The following MYT1L variants were observed in gnomAD, a reference collection of about 807,000 sequenced individuals.
MYT1L encodes myelin transcription factor 1-like protein.
MYT1L carries 12 observed loss-of-function variants against 126.7 expected under a neutral mutation model. That is an observed-to-expected ratio of 0.09 (90% CI 0.06 to 0.15). The LOEUF is 0.15. MYT1L is among the 10% of genes least tolerant of loss of function. The pLI is 1.00. For missense variants in MYT1L, 979 were observed against 1,585.2 expected, an observed-to-expected ratio of 0.62 and a Z score of 6.49; for synonymous variants, 541 against 604.2, an observed-to-expected ratio of 0.90 and a Z score of 1.53.
chr2:1,810,755 G>A (rs539105583), intron 21 of MYT1L, among the ~76,000 whole-genome samples: 2 of 152,300 alleles, frequency 1.3e-5, no homozygotes, highest in Non-Finnish European at 2.9e-5. Context: ...GGGGATATTA[G>A]TGGTTGTTTT....
At chr2:1,890,475 T>C (rs1442824293) in intron 15 of MYT1L, among the ~76,000 whole-genome samples, 1 of 152,100 alleles carries the variant, frequency 6.6e-6, no homozygotes, top group African/African-American at 2.4e-5. Context: ...GTCTGATCTC[T>C]AGATTTCAGC....
At chr2:2,239,556 G>A (rs185551569) in intron 2 of MYT1L, among the ~76,000 whole-genome samples, 26 of 152,326 alleles carry the variant, frequency 1.7e-4, no homozygotes, top group Non-Finnish European at 2.8e-4. Context: ...CTCTGAAGTC[G>A]GGATGGGCAA....
At chr2:2,149,640 G>T (rs371202777) in intron 3 of MYT1L, among the ~76,000 whole-genome samples, 4 of 152,204 alleles carry the variant, frequency 2.6e-5, no homozygotes, top group Non-Finnish European at 5.9e-5. Flanking sequence ...GCCATACAGG[G>T]TTCTTTCCAG....
chr2:1,934,126 C>T (rs913305756), intron 9 of MYT1L, among the ~76,000 whole-genome samples: 1 of 142,418 alleles, frequency 7.0e-6, no homozygotes, highest in Non-Finnish European at 1.6e-5. Flanking sequence ...AGGCACCCGC[C>T]ACCACGCCTG....
In MYT1L at chr2:1,929,454, G is replaced by A. The variant is rs1248986728; in HGVS notation, c.506-6191C>T. Among the ~76,000 whole-genome samples, 1 of 152,162 alleles carries A rather than the reference G, an allele frequency of 6.6e-6. No homozygotes were observed. The highest frequency in any genetic ancestry group is 1.5e-5 in the Non-Finnish European group (1 of 68,036). On this transcript the variant is annotated intron_variant, in intron 9 of 24. Coordinates refer to ENST00000647738, the MANE Select transcript of MYT1L (RefSeq NM_001303052.2). The surrounding 1 kb of genome is among the most constrained non-coding windows in gnomAD (Gnocchi z 4.7). ...GGAGGGTGACGCGGCATTGACAGTG[G>A]GATGCACGTGTCTTCCCTGCCAGGC...
intron 21 of MYT1L, among the ~76,000 whole-genome samples, chr2:1,820,303 T>A (rs2038346963): frequency 6.6e-6 from 1 of 152,226 alleles, no homozygotes; most frequent in Admixed American, 6.5e-5. Flanking sequence ...GTTGAGTACA[T>A]CTCTTAGCTT....
intron 3 of MYT1L, among the ~76,000 whole-genome samples, chr2:2,106,846 A>C (rs2078823564): frequency 6.6e-6 from 1 of 152,170 alleles, no homozygotes; most frequent in African/African-American, 2.4e-5. Context: ...TGTGCCCCCA[A>C]ACCTGTCCCC....
chr2:2,036,628 T>C (rs533909346), intron 4 of MYT1L, among the ~76,000 whole-genome samples: 1 of 152,352 alleles, frequency 6.6e-6, no homozygotes, highest in East Asian at 1.9e-4. Flanking sequence ...TCACTGAGTC[T>C]TTATGATTTT....
At chr2:2,019,356 C>T (rs750646908) in intron 4 of MYT1L, among the ~76,000 whole-genome samples, 12 of 152,092 alleles carry the variant, frequency 7.9e-5, no homozygotes, top group Admixed American at 1.3e-4. Context: ...GCCATGATTG[C>T]GAGGCCTCCT....
chr2:2,290,738 C>T (rs2095586443), intron 1 of MYT1L, among the ~76,000 whole-genome samples: 1 of 152,186 alleles, frequency 6.6e-6, no homozygotes, highest in Admixed American at 6.5e-5. Context: ...TTTGGAAAGG[C>T]ACTGACCCCT....
At position 1,848,694 on chromosome 2, in the gene MYT1L, C is replaced by T. The variant is rs1226954747; in HGVS notation, c.2774+2947G>A. ...AGACCTTTAAGAGTTTCCTTGTTTG[C>T]TTGTTGGCTTCTGTCTGTCTGCAGC... On this transcript the variant is annotated intron_variant, in intron 19 of 24. Transcript: ENST00000647738. The surrounding 1 kb of genome is among the most constrained non-coding windows in gnomAD (Gnocchi z 4.8). Among the ~76,000 whole-genome samples the T allele has an allele frequency of 6.6e-6, 1 of 152,104 alleles. No individual in the cohort carries two copies. The highest frequency in any genetic ancestry group is 1.5e-5 in the Non-Finnish European group (1 of 68,018).
intron 10 of MYT1L, among the ~76,000 whole-genome samples, chr2:1,918,161 C>T (rs549368360): frequency 2.7e-4 from 41 of 151,776 alleles, no homozygotes; most frequent in Non-Finnish European, 5.3e-4. Flanking sequence ...GGCAGAGCTT[C>T]GGTTAAAAAA....
intron 2 of MYT1L, among the ~76,000 whole-genome samples, chr2:2,226,197 T>C (rs2094004385): frequency 6.6e-6 from 1 of 152,132 alleles, no homozygotes; most frequent in Non-Finnish European, 1.5e-5. Flanking sequence ...CACAGCAACA[T>C]TGAGTCCTAG....
At chr2:1,859,829 C>T (rs572820751) in intron 18 of MYT1L, among the ~76,000 whole-genome samples, 1 of 152,300 alleles carries the variant, frequency 6.6e-6, no homozygotes, top group East Asian at 1.9e-4. Flanking sequence ...GCTGCCCCAG[C>T]GTTGGGGACA....
rs1275502948 is a variant in MYT1L at position 1,886,571 on chromosome 2, T to C, written c.2679A>G (p.Arg893=). The change falls in exon 18 of 25, where the codon CGA becomes CGG. Residue 893 remains arginine (R), a synonymous_variant. Transcript: ENST00000647738. ...CTTGGGAGCTGGTGGCCAGCATACT[T>C]CGAATGCTTTTGTCCGCCAGGGGGC... The part of the protein sequence containing the change: ...SGCPLADKSI[R]SMLATSSQEL... 3 of 1,577,166 alleles carry C rather than the reference T, an allele frequency of 1.9e-6. No homozygotes were observed. The highest frequency in any genetic ancestry group is 1.7e-6 in the Non-Finnish European group (2 of 1,162,188).
chr2:1,876,919 G>A (rs1359306657), intron 18 of MYT1L, among the ~76,000 whole-genome samples: 1 of 152,202 alleles, frequency 6.6e-6, no homozygotes, highest in African/African-American at 2.4e-5. Flanking sequence ...TCAGACCAGG[G>A]GAGGACGCAG....
At position 1,979,747 on chromosome 2, in the gene MYT1L, G is replaced by A. The variant is rs201761335; in HGVS notation, c.31C>T (p.Arg11Cys). 61 of 1,614,006 alleles carry A rather than the reference G, an allele frequency of 3.8e-5. No homozygotes were observed. The highest frequency in any genetic ancestry group is 2.7e-4 in the Admixed American group (16 of 60,026). The stretch of plus-strand genomic sequence containing the variant: ...CCTCGAACCCCTTTGGACCGCGTGC[G>A]ATGCCGCTTCTCCTCGGTGTCCACC... Reference protein sequence around the residue: MEVDTEEKRHRTRSKGVRVPV... With the variant: MEVDTEEKRHCTRSKGVRVPV... The change falls in exon 6 of 25, where the codon CGC (arginine) becomes TGC (cysteine). Residue 11 changes from arginine to cysteine, a missense_variant. By Grantham distance (180) the Arg-to-Cys change is radical. Around this residue, in one of 12 missense-constraint regions of MYT1L, gnomAD observed 50 missense variants for 48.6 expected, o/e 1.03. Coordinates refer to ENST00000647738, the MANE Select transcript of MYT1L (RefSeq NM_001303052.2). This position sits in a 1 kb window ranked among gnomAD's most constrained non-coding sequence, Gnocchi z 4.0.
chr2:2,102,524 T>C (rs2078220418), intron 3 of MYT1L, among the ~76,000 whole-genome samples: 1 of 152,158 alleles, frequency 6.6e-6, no homozygotes, highest in Non-Finnish European at 1.5e-5. Context: ...TTTCCCATTC[T>C]ACCTTTCTTA....
intron 21 of MYT1L, among the ~76,000 whole-genome samples, chr2:1,812,984 TA>T (rs1342677329): frequency 6.6e-6 from 1 of 151,990 alleles, no homozygotes; most frequent in Non-Finnish European, 1.5e-5. Flanking sequence ...ACTGTGACTG[TA>T]GGACAAGGGT....
Sources: gnomAD v4.1 joint callset for allele counts (sites outside exome capture counted in the v4.1 genomes callset) on GRCh38, gnomAD v4.1.1 for gene constraint, gnomAD v4.1.1 regional missense constraint, Gnocchi (gnomAD v3.1) non-coding constraint, MANE v1.5 for transcripts, NCBI Gene and HGNC (gene_info 2026-07-23, HGNC 2026-07-21) for gene names.